CAPZB: variants seen among roughly 807,000 people sequenced by gnomAD.
CAPZB encodes the protein F-actin-capping protein subunit beta.
A neutral mutation model predicts 38.1 loss-of-function variants in CAPZB; 2 were observed. That is an observed-to-expected ratio of 0.05 (90% confidence interval 0.02 to 0.17). The LOEUF is 0.17. CAPZB is among the 10% of genes least tolerant of loss of function. CAPZB has a pLI of 1.00. For missense variants in CAPZB, 161 were observed against 334.2 expected (o/e 0.48, Z 4.04); for synonymous variants, 107 against 127.4 (o/e 0.84, Z 1.08).
intron 1 of CAPZB, 40 bp downstream of exon 1, chr1:19,485,396 A>T: frequency 8.2e-7 from 1 of 1,214,908 alleles, no homozygotes; most frequent in Non-Finnish European, 1.0e-6. Flanking sequence ...CGAGCTCCGG[A>T]GGGGCCCCCG....
chr1:19,440,285 G>C (rs765980076), intron 1 of CAPZB, among the ~76,000 whole-genome samples: 8 of 152,122 alleles, frequency 5.3e-5, no homozygotes, highest in Admixed American at 1.3e-4. Flanking sequence ...CGATCCACCT[G>C]TCTCAGCCTT....
chr1:19,386,545 A>G (rs1285376905), intron 2 of CAPZB, among the ~76,000 whole-genome samples: 2 of 152,198 alleles, frequency 1.3e-5, no homozygotes. Context: ...TTCCCAGTGG[A>G]AAAATTCCAT....
chr1:19,479,202 T>C (rs1253533848), intron 1 of CAPZB, among the ~76,000 whole-genome samples: 1 of 152,068 alleles, frequency 6.6e-6, no homozygotes, highest in Non-Finnish European at 1.5e-5. Context: ...AGAGCGAGAC[T>C]CTGTCTCAAA....
intron 4 of CAPZB, among the ~76,000 whole-genome samples, chr1:19,363,869 A>G (rs2094068162): frequency 6.6e-6 from 1 of 152,234 alleles, no homozygotes; most frequent in South Asian, 2.1e-4. Context: ...AAGGCTCCCA[A>G]CAGATAATGA....
chr1:19,481,984 A>T (rs961363226), intron 1 of CAPZB, among the ~76,000 whole-genome samples: 5 of 152,222 alleles, frequency 3.3e-5, no homozygotes, highest in African/African-American at 9.6e-5. Context: ...AGCTGAATTA[A>T]CATTATCCTG....
intron 2 of CAPZB, among the ~76,000 whole-genome samples, chr1:19,388,218 T>C (rs190431520): frequency 1.3e-3 from 201 of 152,360 alleles, no homozygotes; most frequent in African/African-American, 4.5e-3. Context: ...AATCTCTTCC[T>C]AGCACTTAAC....
intron 1 of CAPZB, among the ~76,000 whole-genome samples, chr1:19,479,107 G>T (rs925801498): frequency 2.0e-5 from 3 of 152,198 alleles, no homozygotes; most frequent in Non-Finnish European, 1.5e-5. Context: ...CTACTTGGGA[G>T]GCTGAGGCAA....
chr1:19,388,655 T>C (rs1252546884), intron 2 of CAPZB, among the ~76,000 whole-genome samples: 1 of 152,186 alleles, frequency 6.6e-6, no homozygotes, highest in African/African-American at 2.4e-5. Context: ...CATTTTTTAT[T>C]AACATATGAC....
intron 2 of CAPZB, among the ~76,000 whole-genome samples, chr1:19,393,234 C>T (rs6426798): frequency 0.3 from 46,036 of 152,172 alleles, 7,146 homozygotes; most frequent in African/African-American, 0.36. Flanking sequence ...CCTGCACAGG[C>T]GGCAGCTTCG....
intron 1 of CAPZB, among the ~76,000 whole-genome samples, chr1:19,450,165 A>AAAAAAAG (rs1558273085): frequency 4.6e-4 from 59 of 128,206 alleles, no homozygotes; most frequent in African/African-American, 1.9e-3. Flanking sequence ...AAAAAAAAAA[A>AAAAAAAG]AAAAGAAAAG....
At chr1:19,374,251 A>T (rs905228370) in intron 4 of CAPZB, 1 of 152,262 alleles carries the variant, frequency 6.6e-6, no homozygotes, top group Non-Finnish European at 1.5e-5. Flanking sequence ...CCTTCTCAGC[A>T]TAAAGAGACT....
intron 4 of CAPZB, among the ~76,000 whole-genome samples, chr1:19,364,912 C>T (rs566176209): frequency 2.6e-5 from 4 of 151,886 alleles, no homozygotes; most frequent in African/African-American, 9.7e-5. Flanking sequence ...AATGGCATGA[C>T]CATGGCTCAT....
chr1:19,367,418 C>G (rs538648049), intron 4 of CAPZB, among the ~76,000 whole-genome samples: 2 of 152,330 alleles, frequency 1.3e-5, no homozygotes, highest in South Asian at 4.1e-4. Flanking sequence ...GTGAGCTGCC[C>G]TGGAAGTGTC....
intron 4 of CAPZB, among the ~76,000 whole-genome samples, chr1:19,368,499 A>G (rs1247770338): frequency 0.016 from 2,354 of 148,106 alleles, 61 homozygotes; most frequent in African/African-American, 0.056. Flanking sequence ...TTCTTGGAAA[A>G]AAAAAAAAAA....
At chr1:19,480,413 G>A (rs141142333) in intron 1 of CAPZB, among the ~76,000 whole-genome samples, 147 of 152,316 alleles carry the variant, frequency 9.7e-4, no homozygotes, top group African/African-American at 3.3e-3. Context: ...ATGCTGAGTG[G>A]CAGACAGGAC....
At chr1:19,346,981 G>A (rs930312165) in intron 6 of CAPZB, among the ~76,000 whole-genome samples, 2 of 151,530 alleles carry the variant, frequency 1.3e-5, no homozygotes, top group African/African-American at 2.4e-5. Flanking sequence ...CCACCACCAC[G>A]TCCGGCTTTT....
chr1:19,439,970 T>C (rs1006960235), intron 1 of CAPZB, among the ~76,000 whole-genome samples: 1 of 152,206 alleles, frequency 6.6e-6, no homozygotes, highest in Non-Finnish European at 1.5e-5. Flanking sequence ...CCACATCATC[T>C]GCCCAGACAC....
chr1:19,402,057 G>A (rs2094305978), intron 2 of CAPZB, among the ~76,000 whole-genome samples: 1 of 152,160 alleles, frequency 6.6e-6, no homozygotes, highest in Non-Finnish European at 1.5e-5. Context: ...AACTCATAAG[G>A]GTGACAGGAT....
At chr1:19,342,605 G>A (rs1192156133) in intron 8 of CAPZB, 1 of 644,734 alleles carries the variant, frequency 1.6e-6, no homozygotes, top group South Asian at 1.7e-5. Flanking sequence ...GGCTACACGG[G>A]AATGTGGCTG....
Sources: gnomAD v4.1 joint callset for allele counts (sites outside exome capture counted in the v4.1 genomes callset) on GRCh38, gnomAD v4.1.1 for gene constraint, MANE v1.5 for transcripts, NCBI Gene and HGNC (gene_info 2026-07-23, HGNC 2026-07-21) for gene names.